The following ITPR2 variants were observed in gnomAD, a reference collection of about 807,000 sequenced individuals.
ITPR2 encodes inositol 1,4,5-trisphosphate receptor type 2.
ITPR2 carries 207 observed loss-of-function variants against 317.1 expected under a neutral mutation model. The observed-to-expected ratio is 0.65, with a 90% CI of 0.58 to 0.73. The LOEUF is 0.73. ITPR2 is among the 30% of genes least tolerant of loss of function. The probability of loss-of-function intolerance (pLI) is 0.00; values close to 1 mark genes in which losing one functional copy is unlikely to be tolerated. For synonymous variants in ITPR2, 1,156 were observed against 1,149.1 expected (o/e 1.01, Z -0.12); for missense variants, 2,613 against 3,284.0 (o/e 0.80, Z 4.99).
At chr12:26,352,120 G>C (rs972149311) in intron 55 of ITPR2, among the ~76,000 whole-genome samples, 1 of 152,190 alleles carries the variant, frequency 6.6e-6, no homozygotes, top group African/African-American at 2.4e-5. Flanking sequence ...AGTCTTCTGT[G>C]ACAGAAGCTG....
intron 43 of ITPR2, among the ~76,000 whole-genome samples, chr12:26,477,873 T>C (rs1942453263): frequency 6.6e-6 from 1 of 152,172 alleles, no homozygotes. Context: ...TTTGGCAAAT[T>C]GCAATATGAA....
intron 16 of ITPR2, 60 bp from the exon 17 acceptor site, chr12:26,658,190 A>G: frequency 8.4e-7 from 1 of 1,184,466 alleles, no homozygotes; most frequent in South Asian, 2.0e-5. Context: ...AAAGCATCAC[A>G]ATAAAGACAT....
chr12:26,692,059 C>T (rs546388889), intron 10 of ITPR2, among the ~76,000 whole-genome samples: 18 of 152,156 alleles, frequency 1.2e-4, no homozygotes, highest in African/African-American at 3.9e-4. Flanking sequence ...CAAGGAAATT[C>T]GGGGGTCAGA....
chr12:26,651,892 C>A (rs951654799), intron 21 of ITPR2, among the ~76,000 whole-genome samples: 25 of 152,176 alleles, frequency 1.6e-4, no homozygotes, highest in African/African-American at 5.6e-4. Flanking sequence ...TATTCTAGAT[C>A]TCCCCATCTT....
chr12:26,362,739 A>G (rs762148468), intron 55 of ITPR2, among the ~76,000 whole-genome samples: 8 of 152,116 alleles, frequency 5.3e-5, no homozygotes, highest in Non-Finnish European at 7.4e-5. Flanking sequence ...TTAGAGCCCA[A>G]CCATTATCGA....
intron 36 of ITPR2, among the ~76,000 whole-genome samples, chr12:26,552,107 CAT>C (rs996598503): frequency 6.6e-6 from 1 of 152,058 alleles, no homozygotes; most frequent in Admixed American, 6.5e-5. Context: ...TAAATGATGA[CAT>C]GTGGGAAGTG....
At chr12:26,718,985 A>C (rs2137037774) in intron 5 of ITPR2, among the ~76,000 whole-genome samples, 1 of 152,290 alleles carries the variant, frequency 6.6e-6, no homozygotes, top group East Asian at 1.9e-4. Flanking sequence ...CCAGTGGTTC[A>C]TTAAAAAATG....
rs185686428 is a variant in ITPR2 at position 26,486,830 on chromosome 12, A to C, written c.5554+238T>G. The C allele has an allele frequency of 6.8e-3, 4,487 of 659,502 alleles. 31 individuals carry two copies. Among genetic ancestry groups the C allele is most frequent in the South Asian group, 0.014 (930 of 66,428 alleles). 40.9% of individuals were successfully genotyped at this position (659,502 alleles called of 1,614,324 possible). On this transcript the variant is annotated intron_variant, in intron 40 of 56. Coordinates refer to ENST00000381340, the MANE Select transcript of ITPR2 (RefSeq NM_002223.4). ...GTTACTATTTACCATGCATGCCACA[A>C]TGAAATCAAACATCTTTCATGCCGT...
At chr12:26,624,466 T>A (rs544271335) in intron 23 of ITPR2, 110 bp from the exon 24 acceptor site, 204 of 748,274 alleles carry the variant, frequency 2.7e-4, no homozygotes, top group Non-Finnish European at 4.3e-4. Context: ...ATTTCTTTAT[T>A]CGACCAAAAG....
intron 26 of ITPR2, among the ~76,000 whole-genome samples, chr12:26,610,618 T>C (rs999542687): frequency 2.0e-5 from 3 of 152,130 alleles, no homozygotes; most frequent in Non-Finnish European, 4.4e-5. Flanking sequence ...CAAACTCCTA[T>C]GAGGAACATT....
chr12:26,467,358 T>A (rs1298304941), intron 45 of ITPR2, among the ~76,000 whole-genome samples: 2 of 150,322 alleles, frequency 1.3e-5, no homozygotes, highest in East Asian at 3.9e-4. Flanking sequence ...TCTTTCTCTA[T>A]CTCTCTCTCT....
In ITPR2 at chr12:26,830,364, T is replaced by C. The variant is rs572166546; in HGVS notation, c.92+2326A>G. On this transcript the variant is annotated intron_variant, in intron 1 of 56. Transcript: ENST00000381340. ...AACCTTCAAAACACCAACAAAAAAG[T>C]TGAATACAAATCAGAGATATTTACA... Among the ~76,000 whole-genome samples, 5 of 152,350 alleles carry C rather than the reference T, an allele frequency of 3.3e-5. No individual in the cohort carries two copies. The South Asian group carries it at 1.0e-3, about 32-fold the overall frequency.
chr12:26,570,909 T>C (rs1945142605), intron 34 of ITPR2, among the ~76,000 whole-genome samples: 1 of 152,234 alleles, frequency 6.6e-6, no homozygotes, highest in Admixed American at 6.5e-5. Flanking sequence ...GTACATTTAC[T>C]GCAGAGCTCT....
intron 45 of ITPR2, among the ~76,000 whole-genome samples, chr12:26,456,812 A>AATCC (rs1941898181): frequency 6.6e-6 from 1 of 152,186 alleles, no homozygotes; most frequent in Admixed American, 6.5e-5. Context: ...AGCTGGGATT[A>AATCC]CAGGCACTTG....
intron 45 of ITPR2, among the ~76,000 whole-genome samples, chr12:26,462,005 A>G (rs1309212139): frequency 6.6e-6 from 1 of 151,018 alleles, no homozygotes; most frequent in Non-Finnish European, 1.5e-5. Flanking sequence ...AGTTTGTCAC[A>G]ATGGTCTGCC....
At chr12:26,764,317 C>T (rs903616928) in intron 2 of ITPR2, among the ~76,000 whole-genome samples, 10 of 151,934 alleles carry the variant, frequency 6.6e-5, no homozygotes, top group African/African-American at 2.4e-4. Flanking sequence ...GATACAATAC[C>T]AAAGGCACAA....
intron 26 of ITPR2, among the ~76,000 whole-genome samples, chr12:26,607,627 C>T (rs1039795512): frequency 2.0e-5 from 3 of 152,124 alleles, no homozygotes; most frequent in Non-Finnish European, 2.9e-5. Context: ...GATTCAAAAT[C>T]CACAATGGGC....
chr12:26,551,337 G>A (rs1226421668), intron 36 of ITPR2, among the ~76,000 whole-genome samples: 2 of 152,234 alleles, frequency 1.3e-5, no homozygotes, highest in African/African-American at 4.8e-5. Context: ...GACAGGTTCA[G>A]ACTAATTTTG....
At chr12:26,399,697 A>G (rs1940107692) in intron 53 of ITPR2, among the ~76,000 whole-genome samples, 1 of 152,250 alleles carries the variant, frequency 6.6e-6, no homozygotes, top group Non-Finnish European at 1.5e-5. Context: ...CCATTTTAAT[A>G]TATGAAATCC....
Sources: allele counts gnomAD v4.1 joint callset (sites outside exome capture counted in the v4.1 genomes callset), GRCh38; gene constraint gnomAD v4.1.1; transcripts MANE v1.5; gene names NCBI Gene and HGNC (gene_info 2026-07-23, HGNC 2026-07-21).